LMBR1: variants seen among roughly 807,000 people sequenced by gnomAD.
LMBR1 encodes limb region 1 protein homolog.
LMBR1 carries 52 observed loss-of-function variants against 73.9 expected under a neutral mutation model. The ratio of observed to expected loss-of-function variants is 0.70; its 90% CI spans 0.56 to 0.89. The LOEUF (loss-of-function observed/expected upper bound fraction) is 0.89. LMBR1 is among the 40% of genes least tolerant of loss of function. The pLI, the probability that LMBR1 is intolerant of heterozygous loss-of-function variation, is 0.00. For missense variants in LMBR1, 539 were observed against 579.8 expected, an observed-to-expected ratio of 0.93 and a Z score of 0.72; for synonymous variants, 215 against 209.4, an observed-to-expected ratio of 1.03 and a Z score of -0.23.
rs1043842205 is a variant in LMBR1, at chr7:156,670,873, G to A, written n.867-1586C>T. On this transcript the variant is annotated intron_variant and non_coding_transcript_variant, in intron 4 of 4. Coordinates refer to the LMBR1 transcript ENST00000430825. The surrounding 1 kb of genome is among the most constrained non-coding windows in gnomAD (Gnocchi z 4.3). ...ATGAGGAAGGAAAATGGCCCCAGAC[G>A]GGAAATCTGAGATGTCAGTGGTAAA... Among the ~76,000 whole-genome samples, 23 of 152,188 alleles carry A rather than the reference G, an allele frequency of 1.5e-4. No individual in the cohort carries two copies. The highest frequency in any genetic ancestry group is 9.7e-5 in the African/African-American group (4 of 41,448).
At chr7:156,851,004 C>T (rs1019705736) in intron 1 of LMBR1, among the ~76,000 whole-genome samples, 2 of 152,038 alleles carry the variant, frequency 1.3e-5, no homozygotes, top group African/African-American at 4.8e-5. Context: ...TCTCTTTATC[C>T]ATTCCCTCTT....
At chr7:156,799,986 C>G (rs1175654887) in intron 4 of LMBR1, among the ~76,000 whole-genome samples, 1 of 152,100 alleles carries the variant, frequency 6.6e-6, no homozygotes, top group African/African-American at 2.4e-5. Context: ...TGAGGAAGCT[C>G]CAAAAGAAAA....
rs113628466 is a variant in LMBR1, at chr7:156,698,802, C to T, written c.1226-10611G>A. The stretch of plus-strand genomic sequence containing the variant: ...CTGACATGCCCTGGAGACACTTTCC[C>T]CATTATCTTGGTGATTAACATTCAG... On this transcript the variant is annotated intron_variant, in intron 15 of 16. Coordinates refer to ENST00000353442, the MANE Select transcript of LMBR1 (RefSeq NM_022458.4). Among the ~76,000 whole-genome samples, 916 of 152,278 alleles carry T rather than the reference C, an allele frequency of 6.0e-3. 20 individuals carry two copies. In the South Asian group the frequency reaches 0.079, roughly 13 times the overall value.
At chr7:156,738,803 A>C (rs901195502) in intron 9 of LMBR1, among the ~76,000 whole-genome samples, 4 of 152,074 alleles carry the variant, frequency 2.6e-5, no homozygotes, top group Non-Finnish European at 4.4e-5. Flanking sequence ...CTTGGGCCCC[A>C]AAGATCCAGG....
chr7:156,695,388 A>G (rs1585222857), intron 15 of LMBR1, among the ~76,000 whole-genome samples: 1 of 152,142 alleles, frequency 6.6e-6, no homozygotes, highest in East Asian at 1.9e-4. Context: ...TAAAGAAAAG[A>G]GGTTTAATTG....
At chr7:156,888,337 G>T (rs961429042) in intron 1 of LMBR1, among the ~76,000 whole-genome samples, 3 of 151,724 alleles carry the variant, frequency 2.0e-5, no homozygotes. Flanking sequence ...ATGAACCGGG[G>T]GGGCGGAGCT....
At chr7:156,796,687 G>A (rs1830100648) in intron 4 of LMBR1, among the ~76,000 whole-genome samples, 195 bp from the exon 5 acceptor site, 1 of 152,080 alleles carries the variant, frequency 6.6e-6, no homozygotes, top group Admixed American at 6.6e-5. Context: ...ATTGGGAAAA[G>A]TCAGTATAGA....
chr7:156,824,642 A>T (rs1835359994), intron 4 of LMBR1, among the ~76,000 whole-genome samples: 1 of 152,084 alleles, frequency 6.6e-6, no homozygotes, highest in African/African-American at 2.4e-5. Context: ...AAGAGTTCAA[A>T]ACCAGCCTGG....
rs1398205558 is a variant in LMBR1 at position 156,878,502 on chromosome 7, G to A, written c.66+14426C>T. The stretch of plus-strand genomic sequence containing the variant: ...AACACTTAGGAATATACCTAACCAA[G>A]AAGGTAAAAGGCCTCTACAAGGAAA... On this transcript the variant is annotated intron_variant, in intron 1 of 16. Coordinates refer to ENST00000353442, the MANE Select transcript of LMBR1 (RefSeq NM_022458.4). Among the ~76,000 whole-genome samples, 3 of 152,104 alleles carry A rather than the reference G, an allele frequency of 2.0e-5. No homozygotes were observed. The South Asian group carries it at 6.2e-4, about 32-fold the overall frequency.
At chr7:156,812,828 A>G (rs1360761786) in intron 4 of LMBR1, among the ~76,000 whole-genome samples, 4 of 152,160 alleles carry the variant, frequency 2.6e-5, no homozygotes, top group Non-Finnish European at 5.9e-5. Flanking sequence ...GGTACACTCT[A>G]GCCCCCTTGG....
chr7:156,815,796 T>C (rs181812226), intron 4 of LMBR1, among the ~76,000 whole-genome samples: 1 of 152,136 alleles, frequency 6.6e-6, no homozygotes, highest in East Asian at 1.9e-4. Flanking sequence ...ATATAAATCC[T>C]CGAATACTAA....
In LMBR1 at chr7:156,885,336, G is replaced by A. The variant is rs1801710823; in HGVS notation, c.66+7592C>T. ...CCACTGCATTCCAGCCTCGGTGACA[G>A]AGCGAGACTCCGTGTAAAAGAAAAA... On this transcript the variant is annotated intron_variant, in intron 1 of 16. Coordinates refer to ENST00000353442, the MANE Select transcript of LMBR1 (RefSeq NM_022458.4). Among the ~76,000 whole-genome samples, 3 of 150,798 alleles carry A rather than the reference G, an allele frequency of 2.0e-5. No individual in the cohort carries two copies. The South Asian group carries it at 6.3e-4, about 31-fold the overall frequency.
chr7:156,881,214 A>G (rs1801031917), intron 1 of LMBR1, among the ~76,000 whole-genome samples: 2 of 152,250 alleles, frequency 1.3e-5, no homozygotes, highest in South Asian at 4.1e-4. Context: ...CTGATCTTAC[A>G]CAAGGCTGCA....
chr7:156,763,238 T>A, intron 6 of LMBR1, 62 bp from the exon 7 acceptor site: 1 of 700,554 alleles, frequency 1.4e-6, no homozygotes, highest in Non-Finnish European at 2.3e-6. Flanking sequence ...AGATAGTCAG[T>A]CTATCTTACG....
rs905088567 is a variant in LMBR1 at position 156,678,266 on chromosome 7, A to G, written c.*5812T>C. 1.3e-5 allele frequency: 2 copies of G among 152,284 alleles called. No individual in the cohort carries two copies. Among genetic ancestry groups the G allele is most frequent in the African/African-American group, 4.8e-5 (2 of 41,452 alleles). The allele number at this position is 152,284 out of a possible 1,614,324, so 9.4% of individuals were successfully genotyped here. On this transcript the variant is annotated 3_prime_UTR_variant, in exon 17 of 17. Coordinates refer to ENST00000353442, the MANE Select transcript of LMBR1 (RefSeq NM_022458.4). ...ACAGATACTTAGGAAAATCGGTGGG[A>G]TGAAAGGCAGGAATGGTCATCTAAC...
At chr7:156,873,395 A>G (rs1432529191) in intron 1 of LMBR1, among the ~76,000 whole-genome samples, 1 of 152,160 alleles carries the variant, frequency 6.6e-6, no homozygotes, top group Admixed American at 6.5e-5. Flanking sequence ...CGTGGACCCA[A>G]AGAGTTAGCA....
intron 15 of LMBR1, among the ~76,000 whole-genome samples, chr7:156,703,834 A>C (rs1488262289): frequency 6.6e-6 from 1 of 152,100 alleles, no homozygotes; most frequent in East Asian, 1.9e-4. Context: ...CCATTACCCA[A>C]TCTGCCACCT....
chr7:156,740,957 T>C (rs888291071), intron 9 of LMBR1, among the ~76,000 whole-genome samples: 2 of 152,196 alleles, frequency 1.3e-5, no homozygotes, highest in African/African-American at 2.4e-5. Flanking sequence ...TTTCAAGACA[T>C]AGACAGTACA....
chr7:156,808,399 C>A (rs973663869), intron 4 of LMBR1, among the ~76,000 whole-genome samples: 8 of 152,144 alleles, frequency 5.3e-5, no homozygotes, highest in Non-Finnish European at 7.4e-5. Flanking sequence ...CATATAGCCA[C>A]TCCAACTTTG....
Sources: gnomAD v4.1 joint callset for allele counts (sites outside exome capture counted in the v4.1 genomes callset) on GRCh38, gnomAD v4.1.1 for gene constraint, Gnocchi (gnomAD v3.1) non-coding constraint, MANE v1.5 for transcripts, NCBI Gene and HGNC (gene_info 2026-07-23, HGNC 2026-07-21) for gene names.